TFDP2: variants seen among roughly 807,000 people sequenced by gnomAD.
TFDP2 encodes transcription factor Dp-2, also known as transcription factor Dp-2 (E2F dimerization partner 2).
Under a neutral mutation model 59.3 loss-of-function variants are expected in TFDP2, and 17 were observed. The ratio of observed to expected loss-of-function variants is 0.29; its 90% CI spans 0.20 to 0.43. TFDP2 has a LOEUF of 0.43. TFDP2 is among the 20% of genes least tolerant of loss of function. The pLI is 1.00. For synonymous variants in TFDP2, 180 were observed against 194.7 expected (o/e 0.92, Z 0.63); for missense variants, 391 against 528.8 (o/e 0.74, Z 2.56).
chr3:142,024,315 T>C (rs966085458), intron 3 of TFDP2, among the ~76,000 whole-genome samples: 3 of 152,320 alleles, frequency 2.0e-5, no homozygotes, highest in Non-Finnish European at 4.4e-5. Flanking sequence ...ATTGGTTTCT[T>C]GAAACTTGGT....
intron 6 of TFDP2, among the ~76,000 whole-genome samples, chr3:141,993,257 T>C (rs1942959794): frequency 1.3e-5 from 2 of 151,516 alleles, no homozygotes; most frequent in South Asian, 4.2e-4. Flanking sequence ...TAATGTGGAG[T>C]ATTCACTTTG....
At chr3:141,993,682 A>C in intron 5 of TFDP2, 97 bp from the exon 6 acceptor site, 1 of 618,668 alleles carries the variant, frequency 1.6e-6, no homozygotes, top group Non-Finnish European at 2.7e-6. Flanking sequence ...TTATACACTG[A>C]ATATATTCAA....
At chr3:142,117,852 T>A (rs1006788060) in intron 1 of TFDP2, among the ~76,000 whole-genome samples, 1 of 152,082 alleles carries the variant, frequency 6.6e-6, no homozygotes, top group Admixed American at 6.6e-5. Flanking sequence ...ATCCCAGCAC[T>A]TTGGGAGGCT....
chr3:141,970,836 A>G (rs537351217), intron 8 of TFDP2, among the ~76,000 whole-genome samples: 2 of 151,242 alleles, frequency 1.3e-5, no homozygotes, highest in South Asian at 2.1e-4. Flanking sequence ...CCGAGGGGGG[A>G]GAATCACTTG....
chr3:141,968,374 CAT>C (rs1304123273), intron 9 of TFDP2, among the ~76,000 whole-genome samples: 1 of 98,688 alleles, frequency 1.0e-5, no homozygotes, highest in Admixed American at 1.2e-4. Context: ...TCATATATAA[CAT>C]ATATCTCATA....
chr3:141,953,756 A>G (rs1376591836), intron 11 of TFDP2, among the ~76,000 whole-genome samples: 1 of 147,564 alleles, frequency 6.8e-6, no homozygotes. Flanking sequence ...AGCATTAGGT[A>G]TATCTCCTAA....
chr3:142,149,033 C>CA, intron 1 of TFDP2, 150 bp downstream of exon 1: 1 of 392,264 alleles, frequency 2.5e-6, no homozygotes, highest in Non-Finnish European at 4.5e-6. Flanking sequence ...GTTACCCGGC[C>CA]AGGCCTGGAG....
At chr3:142,090,908 C>G (rs1352907786) in intron 3 of TFDP2, 2 of 152,180 alleles carry the variant, frequency 1.3e-5, no homozygotes, top group Non-Finnish European at 2.9e-5. Flanking sequence ...TTGCTATCCT[C>G]TCTTTATTTT....
chr3:142,011,037 C>T (rs1405996748), intron 3 of TFDP2, among the ~76,000 whole-genome samples: 49 of 79,486 alleles, frequency 6.2e-4, no homozygotes, highest in Admixed American at 1.9e-3. Flanking sequence ...TGTGGCGATT[C>T]CTCAGGGATC....
chr3:142,116,140 T>C (rs982574840), intron 1 of TFDP2, among the ~76,000 whole-genome samples: 1 of 151,912 alleles, frequency 6.6e-6, no homozygotes, highest in Admixed American at 6.6e-5. Context: ...TCACAGCTCA[T>C]TGCAACTTCA....
chr3:141,962,789 C>T (rs926188689), intron 10 of TFDP2, among the ~76,000 whole-genome samples: 3 of 152,182 alleles, frequency 2.0e-5, no homozygotes, highest in Non-Finnish European at 2.9e-5. Flanking sequence ...AGCCCAAGGG[C>T]AATGTCAGGG....
chr3:142,015,694 A>G (rs1224229992), intron 3 of TFDP2, among the ~76,000 whole-genome samples: 2 of 152,190 alleles, frequency 1.3e-5, no homozygotes, highest in African/African-American at 4.8e-5. Context: ...CTCTATTTCC[A>G]TGCTCTCTAA....
intron 4 of TFDP2, among the ~76,000 whole-genome samples, chr3:141,997,842 T>A (rs534856444): frequency 2.5e-4 from 19 of 77,310 alleles, no homozygotes; most frequent in African/African-American, 1.0e-3. Flanking sequence ...AGAGTGAGAC[T>A]CCATCTCAAA....
chr3:142,125,323 T>C (rs771576855), intron 1 of TFDP2, among the ~76,000 whole-genome samples: 5 of 152,216 alleles, frequency 3.3e-5, no homozygotes. Context: ...CTGATACCAA[T>C]ACATTGTCCT....
intron 3 of TFDP2, chr3:142,043,929 TG>T (rs1219873594): frequency 6.3e-5 from 53 of 837,590 alleles, no homozygotes; most frequent in Non-Finnish European, 1.1e-4. Flanking sequence ...TGACCTTCTC[TG>T]GCATTCGCGC....
chr3:141,970,943 A>G (rs1009913890), intron 8 of TFDP2, among the ~76,000 whole-genome samples: 3 of 152,048 alleles, frequency 2.0e-5, no homozygotes, highest in Admixed American at 1.3e-4. Context: ...CTGTAGTCCC[A>G]GCTAATTGGG....
chr3:141,959,611 T>G, intron 11 of TFDP2, 63 bp downstream of exon 11: 4 of 1,562,328 alleles, frequency 2.6e-6, no homozygotes, highest in Non-Finnish European at 3.5e-6. Context: ...ATAAGAAAGG[T>G]TTTAACAAGT....
At chr3:142,043,716 G>A in intron 3 of TFDP2, 1 of 1,212,834 alleles carries the variant, frequency 8.2e-7, no homozygotes, top group South Asian at 1.2e-5. Flanking sequence ...GTGCTTCCTT[G>A]GTCTTAGACC....
At chr3:142,020,924 G>A (rs560667404) in intron 3 of TFDP2, among the ~76,000 whole-genome samples, 5 of 152,092 alleles carry the variant, frequency 3.3e-5, no homozygotes, top group African/African-American at 9.6e-5. Flanking sequence ...AGTCGAAGCT[G>A]CAGTGAGCTG....
Sources: allele counts gnomAD v4.1 joint callset (sites outside exome capture counted in the v4.1 genomes callset), GRCh38; gene constraint gnomAD v4.1.1; transcripts MANE v1.5; gene names NCBI Gene and HGNC (gene_info 2026-07-23, HGNC 2026-07-21).